SVIL: variants seen among roughly 807,000 people sequenced by gnomAD.
SVIL encodes the protein archvillin.
In SVIL, 101 loss-of-function variants were observed where a neutral mutation model predicts 240.4. The observed-to-expected ratio is 0.42, with a 90% confidence interval of 0.36 to 0.50. SVIL has a LOEUF of 0.50. Among genes scored for constraint, SVIL ranks in the 20% least tolerant of loss-of-function variants. The pLI is 0.01. For synonymous variants in SVIL, 999 were observed against 1,100.0 expected (o/e 0.91, Z 1.82); for missense variants, 2,512 against 2,818.7 (o/e 0.89, Z 2.46).
intron 13 of SVIL, among the ~76,000 whole-genome samples, chr10:29,526,305 C>CTTTTTTTTTTTTTTTTTTT (rs36004446): frequency 3.5e-5 from 4 of 115,030 alleles, no homozygotes; most frequent in Non-Finnish European, 6.9e-5. Flanking sequence ...TTTTCTCTTT[C>CTTTTTTTTTTTTTTTTTTT]TTTTTTTTTT....
intron 1 of SVIL, among the ~76,000 whole-genome samples, chr10:29,703,908 C>G (rs1962704055): frequency 6.6e-6 from 1 of 152,066 alleles, no homozygotes; most frequent in Admixed American, 6.5e-5. Context: ...CTCAAGTGAT[C>G]CTCCAACCCC....
intron 2 of SVIL, among the ~76,000 whole-genome samples, chr10:29,563,909 C>T (rs1456186061): frequency 7.1e-6 from 1 of 141,546 alleles, no homozygotes; most frequent in Admixed American, 7.2e-5. Flanking sequence ...ATACATCTCC[C>T]CCATGTATCT....
chr10:29,523,811 C>G lies in SVIL; in HGVS notation c.2803G>C (p.Val935Leu), dbSNP rs61737058. 6.2e-7 allele frequency: 1 copy of G among 1,614,214 alleles called. No homozygotes were observed. Among genetic ancestry groups the G allele is most frequent in the Non-Finnish European group, 8.5e-7 (1 of 1,180,040 alleles). Residue 935 changes from valine to leucine, a missense_variant, in exon 15 of 38, where the codon GTA becomes CTA. Coordinates refer to ENST00000355867, the MANE Select transcript of SVIL (RefSeq NM_021738.3). ...ATTCCCTTGTTCTCGCTACCCTCTA[C>G]CAAAGGCTGCCAAGCTTGCGATTTC... Reference protein sequence around the residue: ...ILKSQAWQPLVEGSENKGMLR... With the variant: ...ILKSQAWQPLLEGSENKGMLR...
At chr10:29,496,970 G>C (rs58929087) in intron 18 of SVIL, among the ~76,000 whole-genome samples, 1 of 152,234 alleles carries the variant, frequency 6.6e-6, no homozygotes, top group African/African-American at 2.4e-5. Context: ...ACGTGCTTCT[G>C]TTAAAGAAGG....
chr10:29,506,641 AGGGG>A (rs1949306339), intron 17 of SVIL, among the ~76,000 whole-genome samples: 4 of 143,876 alleles, frequency 2.8e-5, no homozygotes, highest in African/African-American at 8.1e-5. Context: ...CCCTAGAGGG[AGGGG>A]ACAGAGGCCC....
chr10:29,664,497 G>C (rs1959194229), intron 2 of SVIL, among the ~76,000 whole-genome samples: 1 of 152,046 alleles, frequency 6.6e-6, no homozygotes, highest in African/African-American at 2.4e-5. Context: ...GCCTGATCTT[G>C]ATTATAAATA....
At chr10:29,718,104 G>T (rs1382235358) in intron 1 of SVIL, among the ~76,000 whole-genome samples, 1 of 152,060 alleles carries the variant, frequency 6.6e-6, no homozygotes, top group African/African-American at 2.4e-5. Flanking sequence ...GAGGCGGGTG[G>T]ATCATGAGGT....
At chr10:29,495,413 T>A (rs150463639) in intron 18 of SVIL, among the ~76,000 whole-genome samples, 4,354 of 151,692 alleles carry the variant, frequency 0.029, 178 homozygotes, top group African/African-American at 0.093. Context: ...CAAGCCGATA[T>A]TCCAAAATGA....
chr10:29,634,105 T>G (rs1958217892), intron 1 of SVIL, among the ~76,000 whole-genome samples: 1 of 152,176 alleles, frequency 6.6e-6, no homozygotes, highest in Non-Finnish European at 1.5e-5. Flanking sequence ...TTCCAAGACT[T>G]TAAGTGCTAA....
Position 29,514,393 on chromosome 10 carries a change from C to T in SVIL, c.3390-1532G>A, listed in dbSNP as rs552552304. ...CTAGGATGACAGGTGTGCATCACTG[C>T]GCCTGGTTAATTTTTAAAATTTTTA... is the stretch of plus-strand genomic sequence containing the variant. On this transcript the variant is annotated intron_variant, in intron 16 of 37. Transcript: ENST00000355867. Among the ~76,000 whole-genome samples, 7 of 152,180 alleles carry T rather than the reference C, an allele frequency of 4.6e-5. No individual in the cohort carries two copies. The East Asian group carries it at 7.7e-4, about 17-fold the overall frequency.
chr10:29,678,656 GAGGAATTCTGTTC>G (rs1232401465), intron 2 of SVIL, among the ~76,000 whole-genome samples: 1 of 152,212 alleles, frequency 6.6e-6, no homozygotes, highest in Admixed American at 6.5e-5. Context: ...CTGTTCCCTG[GAGGAATTCTGTTC>G]AGTATAATGC....
At chr10:29,481,076 T>C (rs114104196) in intron 28 of SVIL, among the ~76,000 whole-genome samples, 9 of 151,754 alleles carry the variant, frequency 5.9e-5, no homozygotes, top group African/African-American at 1.9e-4. Flanking sequence ...CAGATTAGAA[T>C]TGGAGGCCTG....
chr10:29,481,133 GGT>G (rs57479630), intron 28 of SVIL, among the ~76,000 whole-genome samples: 2,895 of 141,148 alleles, frequency 0.021, 38 homozygotes, highest in Non-Finnish European at 0.026. Flanking sequence ...TAGCTTTAAG[GGT>G]GTGTGTGTGT....
At chr10:29,462,777 C>T (rs764875863) in intron 35 of SVIL, among the ~76,000 whole-genome samples, 5 of 152,102 alleles carry the variant, frequency 3.3e-5, no homozygotes, top group Admixed American at 2.0e-4. Context: ...TGACTGACGG[C>T]GAACGACAGC....
intron 2 of SVIL, among the ~76,000 whole-genome samples, chr10:29,660,273 C>A (rs74708914): frequency 6.6e-6 from 1 of 152,112 alleles, no homozygotes; most frequent in Admixed American, 6.5e-5. Context: ...TGTACCACTG[C>A]GCTCCAGCTC....
At chr10:29,612,995 G>T (rs1352087322) in intron 1 of SVIL, among the ~76,000 whole-genome samples, 1 of 152,032 alleles carries the variant, frequency 6.6e-6, no homozygotes, top group Non-Finnish European at 1.5e-5. Context: ...GGCCAACATG[G>T]TGAAACCTGG....
At chr10:29,612,852 T>C (rs935353285) in intron 1 of SVIL, among the ~76,000 whole-genome samples, 3 of 152,150 alleles carry the variant, frequency 2.0e-5, no homozygotes, top group Non-Finnish European at 4.4e-5. Context: ...CTCAAGCTGA[T>C]GGCTGGATGG....
At chr10:29,592,988 T>G (rs552559399) in intron 1 of SVIL, among the ~76,000 whole-genome samples, 2 of 152,100 alleles carry the variant, frequency 1.3e-5, no homozygotes, top group East Asian at 3.9e-4. Flanking sequence ...TGTAGGGAAG[T>G]TTTAAACAGA....
chr10:29,470,207 C>G, intron 32 of SVIL, 69 bp downstream of exon 32: 3 of 1,571,556 alleles, frequency 1.9e-6, no homozygotes, highest in Non-Finnish European at 2.6e-6. Flanking sequence ...GTCTTGGTAC[C>G]CCTGAGCCTG....
Sources: allele counts gnomAD v4.1 joint callset (sites outside exome capture counted in the v4.1 genomes callset), GRCh38; gene constraint gnomAD v4.1.1; transcripts MANE v1.5; gene names NCBI Gene and HGNC (gene_info 2026-07-23, HGNC 2026-07-21).